Variants in OR51B5 observed in about 807,000 individuals in gnomAD.
OR51B5 encodes the protein olfactory receptor 51B5.
For missense variants in OR51B5, 456 were observed against 374.6 expected, an observed-to-expected ratio of 1.22 and a Z score of -1.79; for synonymous variants, 186 against 144.8, an observed-to-expected ratio of 1.28 and a Z score of -2.04.
At chr11:5,402,549 G>A (rs2736527) in intron 1 of OR51B5, 158,850 of 421,922 alleles carry the variant, frequency 0.38, 30,406 homozygotes, top group South Asian at 0.44. Context: ...TCACTAGTTT[G>A]TTTCTAATTT....
At chr11:5,480,425 C>T (rs1386759715) in intron 1 of OR51B5, among the ~76,000 whole-genome samples, 1 of 151,544 alleles carries the variant, frequency 6.6e-6, no homozygotes, top group East Asian at 1.9e-4. Context: ...AAAATTGACA[C>T]CCTAACATCA....
intron 1 of OR51B5, among the ~76,000 whole-genome samples, chr11:5,461,371 AG>A (rs1851049963): frequency 6.6e-6 from 1 of 152,218 alleles, no homozygotes; most frequent in Non-Finnish European, 1.5e-5. Flanking sequence ...GAGCTATGGC[AG>A]CAGCCACTGG....
At chr11:5,384,484 C>T (rs565219729) in intron 1 of OR51B5, among the ~76,000 whole-genome samples, 8 of 152,236 alleles carry the variant, frequency 5.3e-5, no homozygotes, top group South Asian at 2.1e-4. Flanking sequence ...GGAAAAGAGG[C>T]GAGCTCATCT....
chr11:5,428,373 G>A (rs1850480373), intron 1 of OR51B5, among the ~76,000 whole-genome samples: 1 of 152,100 alleles, frequency 6.6e-6, no homozygotes. Context: ...ATCTAAAAAT[G>A]TACATACATT....
At position 5,413,624 on chromosome 11, in the gene OR51B5, G is replaced by T. The variant is rs565287615; in HGVS notation, n.85-66714C>A. On this transcript the variant is annotated intron_variant and non_coding_transcript_variant, in intron 1 of 4. Coordinates refer to the OR51B5 transcript ENST00000415970. ...GAGCTGAAAGCCAAGGCTCGAGAACGATGTGAAGAATGCAGAAGTCTCAGG... is the reference window on the plus strand; with the variant it reads ...GAGCTGAAAGCCAAGGCTCGAGAACTATGTGAAGAATGCAGAAGTCTCAGG... Among the ~76,000 whole-genome samples, 139 of 152,292 alleles carry T rather than the reference G, an allele frequency of 9.1e-4. 2 individuals are homozygous for T. In the East Asian group the frequency reaches 0.019, roughly 21 times the overall value.
intron 1 of OR51B5, among the ~76,000 whole-genome samples, chr11:5,375,187 T>C (rs1849505349): frequency 1.4e-5 from 2 of 144,268 alleles, no homozygotes; most frequent in Admixed American, 1.4e-4. Flanking sequence ...TTCAACATCC[T>C]TAAAGGAAAG....
chr11:5,414,844 C>T (rs1169883810), intron 1 of OR51B5, among the ~76,000 whole-genome samples: 4 of 152,182 alleles, frequency 2.6e-5, no homozygotes, highest in Admixed American at 2.6e-4. Context: ...TAACACCCCA[C>T]TGTCAACATT....
At chr11:5,352,048 G>T in intron 1 of OR51B5, 1 of 1,613,998 alleles carries the variant, frequency 6.2e-7, no homozygotes, top group Non-Finnish European at 8.5e-7. Flanking sequence ...TCTACACCAA[G>T]ATGTCATCAA....
intron 1 of OR51B5, among the ~76,000 whole-genome samples, chr11:5,479,371 T>C (rs1233686410): frequency 6.6e-6 from 1 of 151,212 alleles, no homozygotes; most frequent in Admixed American, 6.6e-5. Context: ...GCACTAAACA[T>C]GGAAAGGAAC....
upstream of OR51B5, chr11:5,346,378 G>A (rs1200395469): frequency 6.6e-6 from 1 of 152,020 alleles, no homozygotes; most frequent in Non-Finnish European, 1.5e-5. Context: ...AATGAGAGAA[G>A]AGATAAAAGC....
At chr11:5,454,729 A>T (rs1850925613) in intron 1 of OR51B5, 1 of 197,406 alleles carries the variant, frequency 5.1e-6, no homozygotes, top group Admixed American at 5.4e-5. Flanking sequence ...TACTAATATA[A>T]TAATTAACAA....
At chr11:5,351,411 TCTTATGAACAG>T in intron 1 of OR51B5, 1 of 903,476 alleles carries the variant, frequency 1.1e-6, no homozygotes, top group Non-Finnish European at 1.7e-6. Context: ...CTGGTGAACA[TCTTATGAACAG>T]GTAGAATTCT....
At chr11:5,489,058 C>T in intron 1 of OR51B5, 2 of 1,614,050 alleles carry the variant, frequency 1.2e-6, no homozygotes, top group South Asian at 1.1e-5. Flanking sequence ...GTCCTCAATT[C>T]TACTTGCCAT....
chr11:5,456,006 T>C (rs1002059610), intron 1 of OR51B5: 2 of 152,226 alleles, frequency 1.3e-5, no homozygotes, highest in Non-Finnish European at 2.9e-5. Flanking sequence ...TTCTGATTCA[T>C]ATTAGAAGCT....
chr11:5,483,514 A>AAAAAAG (rs1554896858), intron 1 of OR51B5, among the ~76,000 whole-genome samples: 9,769 of 140,498 alleles, frequency 0.07, 714 homozygotes, highest in East Asian at 0.34. Context: ...TAATTAAAAA[A>AAAAAAG]AAAAGAAAAG....
intron 1 of OR51B5, among the ~76,000 whole-genome samples, chr11:5,407,261 G>C (rs1250795460): frequency 6.6e-6 from 1 of 152,098 alleles, no homozygotes; most frequent in Non-Finnish European, 1.5e-5. Context: ...CAATTAAAAA[G>C]CATATAATAA....
At chr11:5,409,519 C>A (rs550176708) in intron 1 of OR51B5, among the ~76,000 whole-genome samples, 3 of 150,528 alleles carry the variant, frequency 2.0e-5, no homozygotes, top group Non-Finnish European at 4.4e-5. Context: ...AAAAAAAAAT[C>A]TATCAAAATA....
intron 1 of OR51B5, chr11:5,402,967 G>T (rs1490111141): frequency 4.2e-6 from 2 of 471,184 alleles, no homozygotes; most frequent in African/African-American, 2.0e-5. Context: ...CATGTCTTTG[G>T]ACCGCTTTAT....
At chr11:5,487,347 C>A (rs1851512640) in intron 1 of OR51B5, among the ~76,000 whole-genome samples, 1 of 151,984 alleles carries the variant, frequency 6.6e-6, no homozygotes, top group Non-Finnish European at 1.5e-5. Flanking sequence ...CTTTTGTCAA[C>A]CACAAAATTT....
Sources: gnomAD v4.1 joint callset for allele counts (sites outside exome capture counted in the v4.1 genomes callset) on GRCh38, gnomAD v4.1.1 for gene constraint, MANE v1.5 for transcripts, NCBI Gene and HGNC (gene_info 2026-07-23, HGNC 2026-07-21) for gene names.